PAPPA2: variants seen among roughly 807,000 people sequenced by gnomAD.
PAPPA2 encodes pappalysin 2.
A neutral mutation model predicts 176.4 loss-of-function variants in PAPPA2; 86 were observed. That is an observed-to-expected ratio of 0.49 (90% CI 0.41 to 0.58). The LOEUF (loss-of-function observed/expected upper bound fraction) is 0.58, where lower values mean the gene tolerates loss of function less well. Among genes scored for constraint, PAPPA2 ranks in the 20% least tolerant of loss-of-function variants. The pLI, the probability that PAPPA2 is intolerant of heterozygous loss-of-function variation, is 0.00. For synonymous variants in PAPPA2, 809 were observed against 852.2 expected, an observed-to-expected ratio of 0.95 and a Z score of 0.88; for missense variants, 2,073 against 2,256.9, an observed-to-expected ratio of 0.92 and a Z score of 1.65.
intron 21 of PAPPA2, among the ~76,000 whole-genome samples, chr1:176,814,802 C>T (rs1288309754): frequency 6.6e-6 from 1 of 152,136 alleles, no homozygotes; most frequent in Non-Finnish European, 1.5e-5. Context: ...TTGCCCTGGC[C>T]AGAACTTTCA....
Position 176,571,860 on chromosome 1 carries a change from T to C in PAPPA2, c.919+14619T>C, listed in dbSNP as rs567940067. On this transcript the variant is annotated intron_variant, in intron 2 of 22. Coordinates refer to ENST00000367662, the MANE Select transcript of PAPPA2 (RefSeq NM_020318.3). ...ATCCAGTAGAAACAAAACCTGCCCA[T>C]TAACTTATGGGTTCAGCCCAATCCT... is the stretch of plus-strand genomic sequence containing the variant. Among the ~76,000 whole-genome samples, 8 of 152,330 alleles carry C rather than the reference T, an allele frequency of 5.3e-5. No homozygotes were observed. In the South Asian group the frequency reaches 1.7e-3, roughly 32 times the overall value.
intron 21 of PAPPA2, chr1:176,836,591 G>A (rs958369667): frequency 3.9e-5 from 6 of 152,170 alleles, no homozygotes; most frequent in Non-Finnish European, 7.3e-5. Flanking sequence ...CTCTGTAATA[G>A]GCAGCCTGAG....
At chr1:176,466,666 A>G (rs1353237893) in intron 1 of PAPPA2, among the ~76,000 whole-genome samples, 1 of 152,168 alleles carries the variant, frequency 6.6e-6, no homozygotes, top group African/African-American at 2.4e-5. Flanking sequence ...AGAGAGAGGT[A>G]TGAAGGCTTT....
At position 176,827,498 on chromosome 1, in the gene PAPPA2, A is replaced by T. The variant is rs1666905387; in HGVS notation, c.5203-12675A>T. Reference sequence around the variant, plus strand: ...CCAAAATCCTATCCATTCTTCAAAGATTAGGTTTAATCCCATGTACCCCAT... The same window carrying T: ...CCAAAATCCTATCCATTCTTCAAAGTTTAGGTTTAATCCCATGTACCCCAT... On this transcript the variant is annotated intron_variant, in intron 21 of 22. Coordinates refer to ENST00000367662, the MANE Select transcript of PAPPA2 (RefSeq NM_020318.3). Among the ~76,000 whole-genome samples, 2 of 152,178 alleles carry T rather than the reference A, an allele frequency of 1.3e-5. 1 individual carries two copies. Among genetic ancestry groups the T allele is most frequent in the South Asian group, 4.1e-4 (2 of 4,824 alleles).
At chr1:176,812,604 AT>A in intron 21 of PAPPA2, among the ~76,000 whole-genome samples, 1 of 152,298 alleles carries the variant, frequency 6.6e-6, no homozygotes, top group Non-Finnish European at 1.5e-5. Context: ...TAATTTCTTA[AT>A]TAAATAATCC....
chr1:176,534,669 G>A (rs1236444135), intron 1 of PAPPA2, among the ~76,000 whole-genome samples: 1 of 152,206 alleles, frequency 6.6e-6, no homozygotes, highest in Non-Finnish European at 1.5e-5. Flanking sequence ...TATGAGAGGT[G>A]TGTGCTTGAG....
intron 2 of PAPPA2, among the ~76,000 whole-genome samples, chr1:176,563,588 C>G (rs1651791253): frequency 6.6e-6 from 1 of 152,102 alleles, no homozygotes; most frequent in Non-Finnish European, 1.5e-5. Flanking sequence ...CCTTCTGACC[C>G]ACAAAGCCCA....
chr1:176,597,865 T>C (rs1654069641), intron 3 of PAPPA2, among the ~76,000 whole-genome samples: 1 of 152,190 alleles, frequency 6.6e-6, no homozygotes, highest in African/African-American at 2.4e-5. Flanking sequence ...GAGAGAGCTG[T>C]CTTTCAAGGT....
At chr1:176,730,638 CA>C (rs1219372551) in intron 12 of PAPPA2, among the ~76,000 whole-genome samples, 2 of 148,640 alleles carry the variant, frequency 1.3e-5, no homozygotes, top group East Asian at 3.9e-4. Context: ...CTCTTATCTT[CA>C]TTATTTCCTG....
intron 1 of PAPPA2, among the ~76,000 whole-genome samples, chr1:176,511,641 G>A (rs1303905279): frequency 6.6e-6 from 1 of 152,148 alleles, no homozygotes; most frequent in Non-Finnish European, 1.5e-5. Context: ...ATCAGTAGAC[G>A]GGGTAAAGAT....
chr1:176,495,353 C>T (rs773613342), intron 1 of PAPPA2, among the ~76,000 whole-genome samples: 13 of 151,762 alleles, frequency 8.6e-5, no homozygotes, highest in Admixed American at 1.3e-4. Context: ...CTAGACTGAC[C>T]GACACTGAGA....
intron 2 of PAPPA2, among the ~76,000 whole-genome samples, chr1:176,562,900 G>A (rs763148991): frequency 2.0e-4 from 31 of 152,020 alleles, no homozygotes; most frequent in Non-Finnish European, 4.0e-4. Flanking sequence ...CCTTTTTCTC[G>A]AAGCCTGTGG....
At chr1:176,749,912 A>T (rs1663090714) in intron 14 of PAPPA2, among the ~76,000 whole-genome samples, 1 of 152,214 alleles carries the variant, frequency 6.6e-6, no homozygotes, top group African/African-American at 2.4e-5. Context: ...AGTTTTGGCA[A>T]TTATGAATAA....
chr1:176,630,164 G>A (rs1183867888), intron 3 of PAPPA2, among the ~76,000 whole-genome samples: 1 of 152,184 alleles, frequency 6.6e-6, no homozygotes, highest in Admixed American at 6.5e-5. Context: ...AAAGCTTACA[G>A]CATGATGTGA....
intron 3 of PAPPA2, among the ~76,000 whole-genome samples, chr1:176,627,247 CA>C (rs1347647637): frequency 8.5e-5 from 13 of 152,064 alleles, no homozygotes; most frequent in Non-Finnish European, 1.8e-4. Flanking sequence ...GCATCAAATC[CA>C]AAAAGTTATC....
chr1:176,525,856 CT>C (rs1455015534), intron 1 of PAPPA2, among the ~76,000 whole-genome samples: 3 of 152,196 alleles, frequency 2.0e-5, no homozygotes, highest in African/African-American at 7.2e-5. Flanking sequence ...TGTTCAATCT[CT>C]CTGAATGGTT....
intron 3 of PAPPA2, among the ~76,000 whole-genome samples, chr1:176,605,425 A>G (rs916957581): frequency 3.3e-5 from 5 of 152,028 alleles, no homozygotes; most frequent in African/African-American, 1.2e-4. Context: ...GCATTCAGGA[A>G]CTCCATCTCT....
chr1:176,613,570 A>C (rs1038844001), intron 3 of PAPPA2, among the ~76,000 whole-genome samples: 7 of 152,098 alleles, frequency 4.6e-5, no homozygotes, highest in Non-Finnish European at 8.8e-5. Context: ...CCATGCTTCC[A>C]CTTCTCTCCA....
intron 21 of PAPPA2, among the ~76,000 whole-genome samples, chr1:176,832,075 G>A (rs943201474): frequency 2.0e-5 from 3 of 152,148 alleles, no homozygotes; most frequent in Non-Finnish European, 2.9e-5. Context: ...TCTCTAGGGA[G>A]ACAATTCAGG....
Sources: gnomAD v4.1 joint callset for allele counts (sites outside exome capture counted in the v4.1 genomes callset) on GRCh38, gnomAD v4.1.1 for gene constraint, MANE v1.5 for transcripts, NCBI Gene and HGNC (gene_info 2026-07-23, HGNC 2026-07-21) for gene names.